Variants in SNAPC4 observed in about 807,000 individuals in gnomAD.
SNAPC4 encodes the protein small nuclear RNA activating complex polypeptide 4, also known as snRNA-activating protein complex subunit 4.
A neutral mutation model predicts 151.3 loss-of-function variants in SNAPC4; 127 were observed. The observed-to-expected ratio is 0.84, with a 90% CI of 0.73 to 0.97. The LOEUF is 0.97. Among genes scored for constraint, SNAPC4 ranks in the 50% least tolerant of loss-of-function variants. SNAPC4 has a pLI of 0.00. For synonymous variants in SNAPC4, 1,002 were observed against 824.4 expected (o/e 1.22, Z -3.69); for missense variants, 2,186 against 1,935.0 (o/e 1.13, Z -2.43).
At chr9:136,393,754 C>G (rs144372917) in intron 7 of SNAPC4, among the ~76,000 whole-genome samples, 1 of 152,244 alleles carries the variant, frequency 6.6e-6, no homozygotes, top group Non-Finnish European at 1.5e-5. Flanking sequence ...GCCGCCCGCC[C>G]GGCCATGGGG....
At position 136,388,496 on chromosome 9, in the gene SNAPC4, G is replaced by A. The variant is rs1426017149; in HGVS notation, c.1071C>T (p.Leu357=). 2 of 1,614,030 alleles carry A rather than the reference G, an allele frequency of 1.2e-6. No homozygotes were observed. Among genetic ancestry groups the A allele is most frequent in the Non-Finnish European group, 1.7e-6 (2 of 1,180,028 alleles). Reference sequence around the variant, plus strand: ...CGCGCATCTCCTGCACCAGCTGCGTGAGCATGCGGTCCTCCTCCTCTGTCC... The same window carrying A: ...CGCGCATCTCCTGCACCAGCTGCGTAAGCATGCGGTCCTCCTCCTCTGTCC... ...KEWTEEEDRM[L]TQLVQEMRVG... is the part of the protein sequence containing the mutation. The change falls in exon 11 of 24, where the codon CTC becomes CTT. Residue 357 remains leucine (L), a synonymous_variant. Transcript: ENST00000684778.
chr9:136,382,119 C>T, intron 17 of SNAPC4, 46 bp from the exon 18 acceptor site: 1 of 1,561,688 alleles, frequency 6.4e-7, no homozygotes, highest in Non-Finnish European at 8.7e-7. Context: ...AGGCTCGGCC[C>T]CCGGAGTGGA....
intron 10 of SNAPC4, among the ~76,000 whole-genome samples, chr9:136,391,336 A>G (rs1050496286): frequency 6.6e-6 from 1 of 152,228 alleles, no homozygotes; most frequent in Non-Finnish European, 1.5e-5. Flanking sequence ...TGTTCCAATC[A>G]AATTCAGATA....
chr9:136,381,406 G>C lies in SNAPC4; in HGVS notation c.2318-14C>G, dbSNP rs894176573. On this transcript the variant is annotated splice_polypyrimidine_tract_variant and intron_variant, in intron 18 of 23. Coordinates refer to ENST00000684778, the MANE Select transcript of SNAPC4 (RefSeq NM_003086.4). Reference sequence around the variant, plus strand: ...TGAGGCCATCCGCTGCGGGCACAGGGGGATAAGTGGAAAGCAGCCCCAGCT... The same window carrying C: ...TGAGGCCATCCGCTGCGGGCACAGGCGGATAAGTGGAAAGCAGCCCCAGCT... 5 of 1,610,170 alleles carry C rather than the reference G, an allele frequency of 3.1e-6. No homozygotes were observed. The Admixed American group carries it at 5.0e-5, about 16-fold the overall frequency.
chr9:136,387,227 G>A (rs1289632448), intron 13 of SNAPC4, among the ~76,000 whole-genome samples: 1 of 152,212 alleles, frequency 6.6e-6, no homozygotes, highest in Non-Finnish European at 1.5e-5. Context: ...CCAGGGAGCT[G>A]TCTCAAGTGG....
chr9:136,386,282 C>T (rs547770210), intron 13 of SNAPC4, among the ~76,000 whole-genome samples: 4 of 152,156 alleles, frequency 2.6e-5, no homozygotes, highest in Admixed American at 2.0e-4. Flanking sequence ...GAGACGGCCA[C>T]TCAAGTTCTT....
chr9:136,398,126 A>G (rs1453763438), intron 2 of SNAPC4, among the ~76,000 whole-genome samples, 173 bp downstream of exon 2: 1 of 152,090 alleles, frequency 6.6e-6, no homozygotes, highest in Non-Finnish European at 1.5e-5. Flanking sequence ...CAGGCTGGAC[A>G]TGAACTCCTG....
chr9:136,382,372 G>C, intron 16 of SNAPC4, 36 bp from the exon 17 acceptor site: 1 of 1,585,294 alleles, frequency 6.3e-7, no homozygotes, highest in Non-Finnish European at 8.7e-7. Flanking sequence ...GGCACGCGGG[G>C]TGTACGGGAC....
chr9:136,392,094 G>A lies in SNAPC4; in HGVS notation c.823C>T (p.Arg275Cys), dbSNP rs1033035621. 5.6e-6 allele frequency: 9 copies of A among 1,612,036 alleles called. No homozygotes were observed. In the African/African-American group the frequency reaches 6.7e-5, roughly 12 times the overall value. ...AACTTCCGGATCTCCTCTGCACTGC[G>A]GCTGCCTTCAAACTGCACCGACAGA... The part of the protein sequence containing the change: ...KISNINFEGS[R>C]SAEEIRKFWQ... Residue 275 changes from arginine (R) to cysteine (C), a missense_variant, in exon 10 of 24, where the codon CGC (arginine) becomes TGC (cysteine). Arg to Cys is a radical substitution (Grantham distance 180, BLOSUM62 -3). Transcript: ENST00000684778.
chr9:136,377,521 TG>T, intron 22 of SNAPC4, 21 bp downstream of exon 22: 6 of 1,497,472 alleles, frequency 4.0e-6, no homozygotes, highest in Non-Finnish European at 5.3e-6. Flanking sequence ...CATGGGGAAG[TG>T]GGGCTGGGCG....
At chr9:136,379,398 G>C in intron 21 of SNAPC4, 99 bp from the exon 22 acceptor site, 5 of 1,542,078 alleles carry the variant, frequency 3.2e-6, no homozygotes, top group Non-Finnish European at 3.5e-6. Flanking sequence ...CATGTGGGGA[G>C]CCTGGGGTCT....
chr9:136,388,333 TA>T, intron 11 of SNAPC4, 110 bp downstream of exon 11: 2 of 1,096,920 alleles, frequency 1.8e-6, no homozygotes, highest in Non-Finnish European at 2.6e-6. Flanking sequence ...CAGGACTGTC[TA>T]AGCCCTCGTC....
intron 18 of SNAPC4, 120 bp downstream of exon 18, chr9:136,381,704 C>A: frequency 7.7e-7 from 1 of 1,300,814 alleles, no homozygotes; most frequent in East Asian, 2.3e-5. Flanking sequence ...TGGCGCCCAC[C>A]CCAAAAAGAC....
chr9:136,393,991 C>T (rs1287706781), intron 7 of SNAPC4, among the ~76,000 whole-genome samples: 1 of 152,256 alleles, frequency 6.6e-6, no homozygotes, highest in African/African-American at 2.4e-5. Context: ...AATCATGGCT[C>T]ACTGCAGCTT....
Position 136,387,790 on chromosome 9 carries a change from GCTCTT to G in SNAPC4, c.1177_1181del (p.Lys393LeufsTer17), listed in dbSNP as rs1833939951. The G allele has an allele frequency of 6.2e-7, 1 of 1,613,052 alleles. No homozygotes were observed. Among genetic ancestry groups the G allele is most frequent in the Non-Finnish European group, 8.5e-7 (1 of 1,179,252 alleles). On this transcript the variant is annotated frameshift_variant, in exon 12 of 24. Coordinates refer to ENST00000684778, the MANE Select transcript of SNAPC4 (RefSeq NM_003086.4). LOFTEE classifies it high-confidence loss of function. ...AACCCTTCTTCAGACCAGGATCCAA[GCTCTT>G]GGTCCATCGGTAGATCAGCTGCATG...
Position 136,377,517 on chromosome 9 carries a change from G to A in SNAPC4, c.4284+26C>T, listed in dbSNP as rs774758305. ...CCCAGGGACCGCCGCCTGCCATGGGGAAGTGGGGCTGGGCGCCCACCCTAC... is the reference window on the plus strand; with the variant it reads ...CCCAGGGACCGCCGCCTGCCATGGGAAAGTGGGGCTGGGCGCCCACCCTAC... On this transcript the variant is annotated intron_variant, in intron 22 of 23. Transcript: ENST00000684778. 15 of 1,501,126 alleles carry A rather than the reference G, an allele frequency of 1.0e-5. No homozygotes were observed. In the Admixed American group the frequency reaches 3.4e-4, roughly 34 times the overall value. The allele number at this position is 1,501,126 out of a possible 1,614,324, so 93.0% of individuals were successfully genotyped here. A position where few individuals can be genotyped will look rare whatever the true frequency, so the allele number is the denominator to read the frequency against.
chr9:136,392,031 C>G lies in SNAPC4; in HGVS notation c.886G>C (p.Glu296Gln), dbSNP rs752271631. ...NSEHPSINKQ[E>Q]WSREEEERLQ... is the part of the protein sequence containing the mutation. ...CGCTCCTCCTCCTCCCTGCTCCACT[C>G]CTGCTTGTTGATGCTGGGGTGCTCC... is the stretch of plus-strand genomic sequence containing the variant. The change falls in exon 10 of 24, where the codon GAG (glutamate) becomes CAG (glutamine). Residue 296 changes from glutamate to glutamine, a missense_variant. Transcript: ENST00000684778. 1 of 1,612,420 alleles carries G rather than the reference C, an allele frequency of 6.2e-7. No individual in the cohort carries two copies. Among genetic ancestry groups the G allele is most frequent in the Non-Finnish European group, 8.5e-7 (1 of 1,179,990 alleles).
At chr9:136,397,066 T>C in intron 2 of SNAPC4, 43 bp from the exon 3 acceptor site, 1 of 1,563,248 alleles carries the variant, frequency 6.4e-7, no homozygotes, top group East Asian at 2.2e-5. Context: ...ACCAGCGTCT[T>C]GGGCAGGGTG....
rs752214130 is a variant in SNAPC4 at position 136,379,309 on chromosome 9, G to A, written c.2528-10C>T. On this transcript the variant is annotated splice_polypyrimidine_tract_variant and intron_variant, in intron 21 of 23. Coordinates refer to ENST00000684778, the MANE Select transcript of SNAPC4 (RefSeq NM_003086.4). ...TTTGGGAAGAGGTGGCCTGTGGGGAGGAAAGACCCACACTTGATAAGCCCC... is the reference window on the plus strand; with the variant it reads ...TTTGGGAAGAGGTGGCCTGTGGGGAAGAAAGACCCACACTTGATAAGCCCC... 28 of 1,612,198 alleles carry A rather than the reference G, an allele frequency of 1.7e-5. No homozygotes were observed. Among genetic ancestry groups the A allele is most frequent in the Non-Finnish European group, 2.4e-5 (28 of 1,179,780 alleles).
Sources: allele counts gnomAD v4.1 joint callset (sites outside exome capture counted in the v4.1 genomes callset), GRCh38; gene constraint gnomAD v4.1.1; transcripts MANE v1.5; gene names NCBI Gene and HGNC (gene_info 2026-07-23, HGNC 2026-07-21).